UIMC1: variants seen among roughly 807,000 people sequenced by gnomAD.
The protein encoded by UIMC1 is BRCA1-A complex subunit RAP80.
Under a neutral mutation model 84.9 loss-of-function variants are expected in UIMC1, and 42 were observed. The observed-to-expected ratio is 0.49, with a 90% CI of 0.39 to 0.64. The LOEUF (loss-of-function observed/expected upper bound fraction) is 0.64, where lower values mean the gene tolerates loss of function less well. Among genes scored for constraint, UIMC1 ranks in the 30% least tolerant of loss-of-function variants. The pLI, the probability that UIMC1 is intolerant of heterozygous loss-of-function variation, is 0.00. For synonymous variants in UIMC1, 281 were observed against 293.0 expected, an observed-to-expected ratio of 0.96 and a Z score of 0.42; for missense variants, 825 against 847.6, an observed-to-expected ratio of 0.97 and a Z score of 0.33.
chr5:176,913,784 C>T (rs1425893027), intron 10 of UIMC1, among the ~76,000 whole-genome samples: 1 of 152,172 alleles, frequency 6.6e-6, no homozygotes, highest in African/African-American at 2.4e-5. Flanking sequence ...CGAGAACAGC[C>T]TGGGCAACAG....
intron 1 of UIMC1, among the ~76,000 whole-genome samples, chr5:177,021,142 G>A (rs961770047): frequency 5.3e-5 from 8 of 152,160 alleles, no homozygotes; most frequent in African/African-American, 1.4e-4. Context: ...GCTGGGTGCC[G>A]TGGCATGTGC....
chr5:176,912,201 G>A (rs1178921360), intron 10 of UIMC1, among the ~76,000 whole-genome samples: 3 of 152,162 alleles, frequency 2.0e-5, no homozygotes, highest in African/African-American at 7.2e-5. Flanking sequence ...TTTATCTGTG[G>A]AGACAGAGAG....
chr5:176,949,479 A>T (rs1210103604), intron 9 of UIMC1, among the ~76,000 whole-genome samples: 1 of 152,216 alleles, frequency 6.6e-6, no homozygotes, highest in Non-Finnish European at 1.5e-5. Flanking sequence ...CTATGGTAAT[A>T]ATATTCTATT....
chr5:176,991,245 G>A (rs561571440), intron 1 of UIMC1, among the ~76,000 whole-genome samples: 3 of 151,716 alleles, frequency 2.0e-5, no homozygotes, highest in Admixed American at 6.6e-5. Flanking sequence ...TCCTGACCTC[G>A]TGATCCACCT....
intron 10 of UIMC1, among the ~76,000 whole-genome samples, chr5:176,934,588 A>C (rs1017281781): frequency 1.3e-5 from 2 of 152,212 alleles, no homozygotes; most frequent in Non-Finnish European, 2.9e-5. Flanking sequence ...AAGAAATCCC[A>C]CGTGTTAAAC....
intron 11 of UIMC1, among the ~76,000 whole-genome samples, 189 bp downstream of exon 11, chr5:176,911,110 GAGAAGAAAAGAA>G: frequency 8.9e-6 from 1 of 112,978 alleles, no homozygotes; most frequent in Non-Finnish European, 1.8e-5. Flanking sequence ...AAGAGAGAGA[GAGAAGAAAAGAA>G]AAGAAAAGAA....
chr5:176,997,903 AAC>A (rs1773872587), intron 1 of UIMC1, among the ~76,000 whole-genome samples: 1 of 152,196 alleles, frequency 6.6e-6, no homozygotes, highest in East Asian at 1.9e-4. Flanking sequence ...AAGATTCCCC[AAC>A]ATTCCCCTTC....
intron 11 of UIMC1, among the ~76,000 whole-genome samples, 161 bp downstream of exon 11, chr5:176,911,150 G>T (rs1760132957): frequency 1.4e-5 from 1 of 73,268 alleles, no homozygotes; most frequent in African/African-American, 5.2e-5. Context: ...GAAAAGAAAA[G>T]AAAAGAAAAG....
At chr5:177,017,671 C>CT (rs570344600) in intron 1 of UIMC1, among the ~76,000 whole-genome samples, 1,662 of 138,136 alleles carry the variant, frequency 0.012, 13 homozygotes, top group Middle Eastern at 0.031. Flanking sequence ...CACGCTGGCC[C>CT]TTTTTTTTTT....
chr5:176,957,987 A>C, intron 7 of UIMC1, 106 bp downstream of exon 7: 1 of 1,043,808 alleles, frequency 9.6e-7, no homozygotes, highest in Non-Finnish European at 1.4e-6. Flanking sequence ...TAAAAGAGCT[A>C]AAAGTTCTCT....
At chr5:176,936,938 T>A (rs947477379) in intron 10 of UIMC1, among the ~76,000 whole-genome samples, 1 of 152,236 alleles carries the variant, frequency 6.6e-6, no homozygotes, top group Non-Finnish European at 1.5e-5. Context: ...TGTTTTCTTG[T>A]CTGCCTCCCA....
chr5:176,957,552 T>C (rs552671497), intron 7 of UIMC1, among the ~76,000 whole-genome samples: 4 of 152,226 alleles, frequency 2.6e-5, no homozygotes, highest in African/African-American at 9.6e-5. Context: ...CACAAACGGA[T>C]TAAAAGTGGC....
At chr5:176,908,218 A>AG (rs1486494990) in intron 12 of UIMC1, among the ~76,000 whole-genome samples, 1 of 152,186 alleles carries the variant, frequency 6.6e-6, no homozygotes, top group Non-Finnish European at 1.5e-5. Context: ...AACAATGCAT[A>AG]GAAAAAAAGA....
chr5:176,947,342 T>G (rs1765252345), intron 9 of UIMC1, among the ~76,000 whole-genome samples: 2 of 152,182 alleles, frequency 1.3e-5, no homozygotes, highest in African/African-American at 4.8e-5. Flanking sequence ...GAGTTGCTTC[T>G]ACTTCTTTTA....
At chr5:176,971,603 A>T (rs1769209695) in intron 3 of UIMC1, among the ~76,000 whole-genome samples, 2 of 152,188 alleles carry the variant, frequency 1.3e-5, no homozygotes, top group South Asian at 4.1e-4. Flanking sequence ...AATCACATCA[A>T]ATATATTTAA....
chr5:176,913,298 T>TC (rs1023205804), intron 10 of UIMC1, among the ~76,000 whole-genome samples: 1 of 152,164 alleles, frequency 6.6e-6, no homozygotes, highest in Admixed American at 6.5e-5. Context: ...TTATTACTTT[T>TC]CCCCAGTTTT....
At chr5:176,974,264 T>C (rs1244309801) in intron 3 of UIMC1, among the ~76,000 whole-genome samples, 1 of 152,012 alleles carries the variant, frequency 6.6e-6, no homozygotes, top group African/African-American at 2.4e-5. Flanking sequence ...AATTCAGAAA[T>C]AGACCCATGC....
chr5:176,953,562 C>T (rs954855342), intron 8 of UIMC1, among the ~76,000 whole-genome samples: 24 of 144,806 alleles, frequency 1.7e-4, no homozygotes, highest in African/African-American at 6.4e-4. Context: ...AGGACATAAA[C>T]TTCAAAATCC....
chr5:176,932,439 C>A (rs1250463317), intron 10 of UIMC1, among the ~76,000 whole-genome samples: 1 of 152,050 alleles, frequency 6.6e-6, no homozygotes, highest in South Asian at 2.1e-4. Context: ...TAATTTCAAA[C>A]GGCATGTTAG....
Sources: allele counts gnomAD v4.1 joint callset (sites outside exome capture counted in the v4.1 genomes callset), GRCh38; gene constraint gnomAD v4.1.1; transcripts MANE v1.5; gene names NCBI Gene and HGNC (gene_info 2026-07-23, HGNC 2026-07-21).